INO80: variants seen among roughly 807,000 people sequenced by gnomAD.
The protein encoded by INO80 is INO80 complex ATPase subunit.
In INO80, 20 loss-of-function variants were observed where a neutral mutation model predicts 203.4. The ratio of observed to expected loss-of-function variants is 0.10; its 90% CI spans 0.07 to 0.14. INO80 has a LOEUF of 0.14. INO80 is among the 10% of genes least tolerant of loss of function. INO80 has a pLI of 1.00. For missense variants in INO80, 1,419 were observed against 1,914.4 expected (o/e 0.74, Z 4.83); for synonymous variants, 726 against 685.2 (o/e 1.06, Z -0.93).
At chr15:41,111,646 T>C (rs2045960172) in intron 1 of INO80, among the ~76,000 whole-genome samples, 1 of 150,772 alleles carries the variant, frequency 6.6e-6, no homozygotes, top group Non-Finnish European at 1.5e-5. Flanking sequence ...CTACCAAAAA[T>C]ACAAAAATTA....
intron 13 of INO80, 134 bp from the exon 14 acceptor site, chr15:41,069,799 G>A: frequency 1.7e-6 from 1 of 596,602 alleles, no homozygotes; most frequent in Admixed American, 3.2e-5. Context: ...TCCCAAATCT[G>A]CACATTCAAT....
intron 11 of INO80, among the ~76,000 whole-genome samples, chr15:41,072,517 G>A (rs1183709963): frequency 1.3e-5 from 2 of 151,152 alleles, no homozygotes; most frequent in African/African-American, 2.4e-5. Flanking sequence ...TCAGGAGATC[G>A]AGACCATCCT....
intron 1 of INO80, among the ~76,000 whole-genome samples, chr15:41,106,574 G>A (rs192464841): frequency 9.9e-4 from 150 of 151,996 alleles, no homozygotes; most frequent in Admixed American, 3.5e-3. Context: ...GGTCATGGCT[G>A]CAGTGAGCAT....
intron 19 of INO80, among the ~76,000 whole-genome samples, chr15:41,053,276 T>G (rs1566929769): frequency 6.6e-6 from 1 of 152,154 alleles, no homozygotes; most frequent in Admixed American, 6.6e-5. Context: ...TGGCTAATTT[T>G]TTGTATTTTT....
rs138308596 is a variant in INO80, at chr15:41,108,329, C to T, written c.-44+7644G>A. ...GATAGGCCGGGCGTGGTGGCTCACA[C>T]CTGTAATCCCAGCACTTTGGGAGGC... On this transcript the variant is annotated intron_variant, in intron 1 of 35. Transcript: ENST00000648947. Among the ~76,000 whole-genome samples the T allele has an allele frequency of 2.1e-3, 316 of 152,214 alleles. 1 individual carries two copies. Among genetic ancestry groups the T allele is most frequent in the African/African-American group, 7.1e-3 (296 of 41,538 alleles).
intron 18 of INO80, 24 bp downstream of exon 18, chr15:41,055,219 TAGAA>T: frequency 7.5e-7 from 1 of 1,330,878 alleles, no homozygotes; most frequent in Middle Eastern, 1.8e-4. Flanking sequence ...GATAGGTAGA[TAGAA>T]AGCCAGCTCA....
chr15:41,098,508 C>T (rs528343730), intron 1 of INO80, among the ~76,000 whole-genome samples: 1 of 152,078 alleles, frequency 6.6e-6, no homozygotes, highest in East Asian at 1.9e-4. Flanking sequence ...GATCTCATCT[C>T]TTCAAAAGAA....
At position 41,082,653 on chromosome 15, in the gene INO80, G is replaced by A. The variant is rs527327119; in HGVS notation, c.874-1580C>T. Among the ~76,000 whole-genome samples, 21 of 152,058 alleles carry A rather than the reference G, an allele frequency of 1.4e-4. 1 individual carries two copies. Among genetic ancestry groups the A allele is most frequent in the Admixed American group, 1.0e-3 (16 of 15,244 alleles). ...CGGGAGGTGGAGGTTGCAGTGAGTC[G>A]AGATCATGCCATTGTACTCCAACCT... On this transcript the variant is annotated intron_variant, in intron 7 of 35. Transcript: ENST00000648947.
intron 28 of INO80, among the ~76,000 whole-genome samples, chr15:41,002,272 T>G (rs2140433930): frequency 6.6e-6 from 1 of 152,316 alleles, no homozygotes; most frequent in Non-Finnish European, 1.5e-5. Context: ...AAAATTACAT[T>G]TTTACTAAGT....
intron 24 of INO80, among the ~76,000 whole-genome samples, chr15:41,042,904 T>C (rs532483190): frequency 7.9e-5 from 12 of 152,352 alleles, no homozygotes; most frequent in African/African-American, 2.4e-4. Context: ...TCTCCACACA[T>C]ATATAAGCTT....
chr15:41,074,512 A>G lies in INO80; in HGVS notation c.1185T>C (p.Tyr395=), dbSNP rs753454556. 6.2e-7 allele frequency: 1 copy of G among 1,613,940 alleles called. No individual in the cohort carries two copies. Among genetic ancestry groups the G allele is most frequent in the Non-Finnish European group, 8.5e-7 (1 of 1,179,950 alleles). Residue 395 remains tyrosine (Y), a synonymous_variant, in exon 10 of 36, where the codon TAT becomes TAC. Coordinates refer to ENST00000648947, the MANE Select transcript of INO80 (RefSeq NM_017553.3). ...LNFLITQTEL[Y]AHFMSRKRDM... is the part of the protein sequence containing the mutation. ...CTCGTTTGCGACTCATGAAATGGGC[A>G]TACAACTCTGTCTGGGTAATTAAGA... is the stretch of plus-strand genomic sequence containing the variant.
At chr15:40,996,009 A>T (rs531170349) in intron 29 of INO80, among the ~76,000 whole-genome samples, 1 of 152,212 alleles carries the variant, frequency 6.6e-6, no homozygotes, top group East Asian at 1.9e-4. Context: ...TATAGTTGCT[A>T]TTACAGAATG....
At chr15:41,023,928 T>C (rs758198189) in intron 25 of INO80, among the ~76,000 whole-genome samples, 1 of 152,000 alleles carries the variant, frequency 6.6e-6, no homozygotes, top group Non-Finnish European at 1.5e-5. Context: ...ATATTGGAAT[T>C]ATACATAAAG....
At chr15:41,018,791 C>G (rs929489943) in intron 26 of INO80, 1 of 152,192 alleles carries the variant, frequency 6.6e-6, no homozygotes, top group African/African-American at 2.4e-5. Flanking sequence ...CTCCACCTGT[C>G]GCTAAGCAGG....
chr15:40,998,264 G>A (rs577707615), intron 28 of INO80, among the ~76,000 whole-genome samples: 2 of 151,840 alleles, frequency 1.3e-5, no homozygotes, highest in East Asian at 3.9e-4. Context: ...CTCGTGATCC[G>A]CCCGCCTCGG....
rs766676761 is a variant in INO80 at position 41,092,151 on chromosome 15, G to A, written c.413C>T (p.Ala138Val). The change falls in exon 5 of 36, where the codon GCT (alanine) becomes GTT (valine). Residue 138 changes from alanine (A) to valine (V), a missense_variant. Physicochemically the swap from Ala to Val is moderately conservative, Grantham distance 64 (BLOSUM62 0). Transcript: ENST00000648947. The stretch of plus-strand genomic sequence containing the variant: ...ATCATCGTCTTCACTCTGAGAATCA[G>A]CCTCGCTGGATTCATCACTTAGCAG... ...SILLSDESSEADSQSEDDDEE... is the reference protein window; with the variant it reads ...SILLSDESSEVDSQSEDDDEE... 2 of 1,608,522 alleles carry A rather than the reference G, an allele frequency of 1.2e-6. No individual in the cohort carries two copies. Among genetic ancestry groups the A allele is most frequent in the South Asian group, 1.1e-5 (1 of 90,764 alleles).
chr15:41,104,206 C>CAAAA (rs35510472), intron 1 of INO80, among the ~76,000 whole-genome samples: 1 of 41,512 alleles, frequency 2.4e-5, no homozygotes, highest in Non-Finnish European at 6.3e-5. Context: ...AACTCCATCT[C>CAAAA]AAAAAAAAAA....
At chr15:41,039,370 T>C (rs937099799) in intron 24 of INO80, among the ~76,000 whole-genome samples, 19 of 152,254 alleles carry the variant, frequency 1.2e-4, no homozygotes, top group African/African-American at 4.1e-4. Context: ...AGGCAGTTAA[T>C]TGTGTAGTAT....
chr15:41,094,746 C>T (rs769744502), intron 4 of INO80, among the ~76,000 whole-genome samples: 2 of 152,114 alleles, frequency 1.3e-5, no homozygotes, highest in Non-Finnish European at 2.9e-5. Flanking sequence ...CCCCTCAGTA[C>T]GTTATAACAG....
Sources: gnomAD v4.1 joint callset for allele counts (sites outside exome capture counted in the v4.1 genomes callset) on GRCh38, gnomAD v4.1.1 for gene constraint, MANE v1.5 for transcripts, NCBI Gene and HGNC (gene_info 2026-07-23, HGNC 2026-07-21) for gene names.